The following SHISA9 variants were observed in gnomAD, a reference collection of about 807,000 sequenced individuals.
SHISA9 encodes the protein shisa family member 9.
Under a neutral mutation model 38.0 loss-of-function variants are expected in SHISA9, and 13 were observed. The ratio of observed to expected loss-of-function variants is 0.34; its 90% CI spans 0.22 to 0.54. SHISA9 has a LOEUF of 0.54. Ranked by LOEUF, SHISA9 falls within the 20% of genes least tolerant of loss-of-function variation. The pLI is 0.91. For synonymous variants in SHISA9, 275 were observed against 242.0 expected (o/e 1.14, Z -1.27); for missense variants, 538 against 575.8 (o/e 0.93, Z 0.67).
the SHISA9 span, among the ~76,000 whole-genome samples, chr16:13,449,508 T>C: frequency 1.3e-5 from 2 of 152,342 alleles, no homozygotes; most frequent in African/African-American, 4.8e-5. Flanking sequence ...ATGGGAATAC[T>C]CTATATCTTG....
chr16:13,286,269 C>A, the SHISA9 span, among the ~76,000 whole-genome samples: 1 of 152,106 alleles, frequency 6.6e-6, no homozygotes, highest in South Asian at 2.1e-4. Context: ...TAGGCAGGAC[C>A]CCCTGAGGCT....
At chr16:13,247,846 A>G in the SHISA9 span, among the ~76,000 whole-genome samples, 1 of 152,170 alleles carries the variant, frequency 6.6e-6, no homozygotes, top group Admixed American at 6.6e-5. Context: ...TAAAAGGGCA[A>G]CTCATTTTTA....
At chr16:13,413,049 G>GA in the SHISA9 span, among the ~76,000 whole-genome samples, 22 of 152,112 alleles carry the variant, frequency 1.4e-4, no homozygotes, top group African/African-American at 4.8e-4. Context: ...TAAGTGAACA[G>GA]AAAAAGAAGG....
chr16:13,174,785 A>AG (rs2050717282), intron 2 of SHISA9, among the ~76,000 whole-genome samples: 1 of 152,134 alleles, frequency 6.6e-6, no homozygotes, highest in African/African-American at 2.4e-5. Flanking sequence ...GGAGTGTGAG[A>AG]GGTCCAAAGG....
the SHISA9 span, among the ~76,000 whole-genome samples, chr16:13,469,320 G>GAAAGAAAGAAAGAAAGAAAGAA: frequency 7.0e-4 from 43 of 61,596 alleles, 2 homozygotes; most frequent in African/African-American, 2.2e-3. Flanking sequence ...GAGAGAGAGA[G>GAAAGAAAGAAAGAAAGAAAGAA]AGAAAGAAAG....
At chr16:13,475,887 C>T in the SHISA9 span, among the ~76,000 whole-genome samples, 12 of 152,186 alleles carry the variant, frequency 7.9e-5, no homozygotes, top group African/African-American at 2.4e-4. Flanking sequence ...CAATAGGGTT[C>T]GTGCTCCTAT....
At chr16:13,496,275 T>C in the SHISA9 span, among the ~76,000 whole-genome samples, 7 of 152,138 alleles carry the variant, frequency 4.6e-5, no homozygotes, top group Non-Finnish European at 1.0e-4. Context: ...GGAAAGATTA[T>C]GACCTAAGCA....
At chr16:13,005,510 AT>A (rs1359430719) in intron 2 of SHISA9, among the ~76,000 whole-genome samples, 1 of 152,188 alleles carries the variant, frequency 6.6e-6, no homozygotes, top group East Asian at 1.9e-4. Flanking sequence ...TCAGTAAGTT[AT>A]GGCAGAGGTG....
chr16:13,295,805 A>G, the SHISA9 span, among the ~76,000 whole-genome samples: 1 of 152,192 alleles, frequency 6.6e-6, no homozygotes, highest in Non-Finnish European at 1.5e-5. Context: ...TCCTTTCTAG[A>G]GGACCAATGC....
chr16:13,453,917 G>A, the SHISA9 span, among the ~76,000 whole-genome samples: 5 of 152,122 alleles, frequency 3.3e-5, no homozygotes, highest in South Asian at 2.1e-4. Flanking sequence ...AGGCTTGTCC[G>A]ATCTATGTTA....
intron 2 of SHISA9, among the ~76,000 whole-genome samples, chr16:13,110,094 G>T (rs1453611157): frequency 6.6e-6 from 1 of 152,160 alleles, no homozygotes; most frequent in Non-Finnish European, 1.5e-5. Context: ...TTTTTAAGCT[G>T]TGTCAAAGTG....
At chr16:12,902,672 C>G (rs1017755095) in intron 1 of SHISA9, 45 bp downstream of exon 1, 2 of 1,477,756 alleles carry the variant, frequency 1.4e-6, no homozygotes, top group African/African-American at 2.8e-5. Flanking sequence ...TTCGCTCTCC[C>G]TGCTCTCTCC....
At chr16:13,338,603 C>A in the SHISA9 span, among the ~76,000 whole-genome samples, 1 of 152,154 alleles carries the variant, frequency 6.6e-6, no homozygotes, top group Non-Finnish European at 1.5e-5. Context: ...CTGGCTTCTA[C>A]ACTGCACGTC....
At chr16:13,497,992 GAAAA>G in the SHISA9 span, among the ~76,000 whole-genome samples, 1 of 151,142 alleles carries the variant, frequency 6.6e-6, no homozygotes, top group Non-Finnish European at 1.5e-5. Flanking sequence ...GTGAGCAATA[GAAAA>G]AAAATCACAA....
chr16:13,245,916 A>G, the SHISA9 span, among the ~76,000 whole-genome samples: 1 of 152,172 alleles, frequency 6.6e-6, no homozygotes, highest in Non-Finnish European at 1.5e-5. Flanking sequence ...AAGGGCTTAA[A>G]TAAATAGCCC....
chr16:13,071,422 T>A (rs917060557), intron 2 of SHISA9, among the ~76,000 whole-genome samples: 5 of 152,160 alleles, frequency 3.3e-5, no homozygotes, highest in African/African-American at 1.2e-4. Flanking sequence ...ATTTTACAGA[T>A]AAAGTAGCTG....
chr16:13,106,174 T>C (rs2073923754), intron 2 of SHISA9, among the ~76,000 whole-genome samples: 1 of 152,198 alleles, frequency 6.6e-6, no homozygotes, highest in Admixed American at 6.5e-5. Context: ...GCCTGAGTGC[T>C]TGGCTATTGA....
In SHISA9 at chr16:13,211,702, A is replaced by T. The variant is rs117273146; in HGVS notation, c.848-1551A>T. Among the ~76,000 whole-genome samples, 1,224 of 152,332 alleles carry T rather than the reference A, an allele frequency of 8.0e-3. 11 individuals are homozygous for T. The highest frequency in any genetic ancestry group is 8.9e-3 in the Non-Finnish European group (606 of 68,028). ...ATGCCCTATTGTCAATGAACTTATA[A>T]ATGAAAATTCATTATTGTAATAGCT... On this transcript the variant is annotated intron_variant, in intron 3 of 4. Coordinates refer to ENST00000558583, the MANE Select transcript of SHISA9 (RefSeq NM_001145204.3).
chr16:12,984,901 C>T (rs536990474), intron 2 of SHISA9, among the ~76,000 whole-genome samples: 1 of 152,280 alleles, frequency 6.6e-6, no homozygotes, highest in African/African-American at 2.4e-5. Flanking sequence ...GTTCTCTTGC[C>T]TCCAGTTGGA....
Sources: gnomAD v4.1 joint callset for allele counts (sites outside exome capture counted in the v4.1 genomes callset) on GRCh38, gnomAD v4.1.1 for gene constraint, MANE v1.5 for transcripts, NCBI Gene and HGNC (gene_info 2026-07-23, HGNC 2026-07-21) for gene names.